MAN1C1: variants seen among roughly 807,000 people sequenced by gnomAD.
MAN1C1 encodes mannosyl-oligosaccharide 1,2-alpha-mannosidase IC.
MAN1C1 carries 49 observed loss-of-function variants against 71.5 expected under a neutral mutation model. The ratio of observed to expected loss-of-function variants is 0.69; its 90% CI spans 0.54 to 0.87. The LOEUF (loss-of-function observed/expected upper bound fraction) is 0.87. Ranked by LOEUF, MAN1C1 falls within the 40% of genes least tolerant of loss-of-function variation. The pLI is 0.00. For synonymous variants in MAN1C1, 352 were observed against 343.7 expected, an observed-to-expected ratio of 1.02 and a Z score of -0.27; for missense variants, 743 against 835.0, an observed-to-expected ratio of 0.89 and a Z score of 1.36.
chr1:25,681,943 C>G (rs1269929818), intron 1 of MAN1C1, among the ~76,000 whole-genome samples: 1 of 148,040 alleles, frequency 6.8e-6, no homozygotes, highest in African/African-American at 2.6e-5. Context: ...AGTCTAACCC[C>G]CTATTTGCCT....
chr1:25,696,308 T>C (rs1393959156), intron 2 of MAN1C1, among the ~76,000 whole-genome samples: 1 of 152,160 alleles, frequency 6.6e-6, no homozygotes, highest in African/African-American at 2.4e-5. Flanking sequence ...TTGTAGCCTG[T>C]GGTCCAGTGT....
chr1:25,704,975 GTT>G (rs2046499523), intron 2 of MAN1C1, among the ~76,000 whole-genome samples: 1 of 152,208 alleles, frequency 6.6e-6, no homozygotes, highest in Non-Finnish European at 1.5e-5. Context: ...TTTCCCTCTT[GTT>G]AAGGCTGCAG....
At chr1:25,643,978 A>C (rs2045574827) in intron 1 of MAN1C1, among the ~76,000 whole-genome samples, 1 of 152,194 alleles carries the variant, frequency 6.6e-6, no homozygotes, top group South Asian at 2.1e-4. Context: ...AGTGAGAGGA[A>C]TATTAAGTGC....
In MAN1C1 at chr1:25,617,641, T is replaced by G; in HGVS notation, c.-157T>G. On this transcript the variant is annotated 5_prime_UTR_variant, in exon 1 of 12. Coordinates refer to ENST00000374332, the MANE Select transcript of MAN1C1 (RefSeq NM_020379.4). This position sits in a 1 kb window ranked among gnomAD's most constrained non-coding sequence, Gnocchi z 5.1. ...GGACTCGCTCCAAACTCCCTGAACT[T>G]CGGGGACAGTCCCCCGAAGCGGCGA... 1.7e-6 allele frequency: 1 copy of G among 593,652 alleles called. No homozygotes were observed. Among genetic ancestry groups the G allele is most frequent in the Non-Finnish European group, 2.8e-6 (1 of 357,802 alleles). The allele number at this position is 593,652 out of a possible 1,614,324, so 36.8% of individuals were successfully genotyped here.
At chr1:25,667,027 A>G (rs1032461821) in intron 1 of MAN1C1, among the ~76,000 whole-genome samples, 1 of 152,212 alleles carries the variant, frequency 6.6e-6, no homozygotes, top group Non-Finnish European at 1.5e-5. Flanking sequence ...CAGCATAGGA[A>G]AGAGAAAATC....
At chr1:25,742,014 A>T (rs186373313) in intron 2 of MAN1C1, among the ~76,000 whole-genome samples, 1 of 152,124 alleles carries the variant, frequency 6.6e-6, no homozygotes, top group Non-Finnish European at 1.5e-5. Flanking sequence ...AGGGAGGCAA[A>T]GCCCCACAGT....
chr1:25,767,245 C>CATA (rs2047442156), intron 7 of MAN1C1, among the ~76,000 whole-genome samples: 1 of 141,492 alleles, frequency 7.1e-6, no homozygotes. Context: ...ACTCCCCTCA[C>CATA]ATCCACACTC....
intron 9 of MAN1C1, among the ~76,000 whole-genome samples, chr1:25,780,328 A>T (rs955197624): frequency 6.6e-6 from 1 of 152,188 alleles, no homozygotes; most frequent in Admixed American, 6.5e-5. Context: ...AGGCTCCCTC[A>T]GGCCCTCCTT....
intron 2 of MAN1C1, among the ~76,000 whole-genome samples, chr1:25,737,264 A>T (rs544411036): frequency 3.9e-5 from 6 of 152,258 alleles, no homozygotes; most frequent in African/African-American, 1.4e-4. Flanking sequence ...CACTTGTCAC[A>T]GGGAACCTTC....
chr1:25,632,026 C>T (rs1176417135), intron 1 of MAN1C1, among the ~76,000 whole-genome samples: 1 of 152,226 alleles, frequency 6.6e-6, no homozygotes, highest in Non-Finnish European at 1.5e-5. Context: ...GATCCGCCCA[C>T]TTTGGCCTCC....
chr1:25,679,977 A>C (rs1258682909), intron 1 of MAN1C1, among the ~76,000 whole-genome samples: 1 of 138,444 alleles, frequency 7.2e-6, no homozygotes. Flanking sequence ...ATATATATAT[A>C]TACACACACA....
chr1:25,657,478 A>G (rs1486510569), intron 1 of MAN1C1, among the ~76,000 whole-genome samples: 2 of 152,200 alleles, frequency 1.3e-5, no homozygotes, highest in Non-Finnish European at 2.9e-5. Flanking sequence ...CCTACCTTCT[A>G]GTGAATCATC....
In MAN1C1 at chr1:25,651,679, A is replaced by G. The variant is rs375832941; in HGVS notation, c.540+33342A>G. ...CTCAGAATTAACATGCTTATTCTGT[A>G]ACCACACGCGGGTCTTTCTGGCCTG... On this transcript the variant is annotated intron_variant, in intron 1 of 11. Transcript: ENST00000374332. Among the ~76,000 whole-genome samples, 5 of 152,324 alleles carry G rather than the reference A, an allele frequency of 3.3e-5. No individual in the cohort carries two copies. In the East Asian group the frequency reaches 9.6e-4, roughly 29 times the overall value.
intron 2 of MAN1C1, among the ~76,000 whole-genome samples, chr1:25,736,292 C>T (rs1360109499): frequency 6.6e-6 from 1 of 152,130 alleles, no homozygotes; most frequent in Non-Finnish European, 1.5e-5. Flanking sequence ...CTGGGCCAAT[C>T]ATCTGCCAGG....
At chr1:25,700,275 G>A (rs1157849706) in intron 2 of MAN1C1, among the ~76,000 whole-genome samples, 2 of 152,180 alleles carry the variant, frequency 1.3e-5, no homozygotes, top group African/African-American at 4.8e-5. Context: ...AGGACCCGGA[G>A]GAGAGGAGTC....
rs142322952 is a variant in MAN1C1, at chr1:25,630,451, T to C, written c.540+12114T>C. Among the ~76,000 whole-genome samples the C allele has an allele frequency of 5.1e-4, 78 of 152,320 alleles. 1 individual carries two copies. The highest frequency in any genetic ancestry group is 1.5e-3 in the African/African-American group (64 of 41,574). The stretch of plus-strand genomic sequence containing the variant: ...AATTCTGTGAACAATGATGTTGTTA[T>C]TTTGTTTGGGATTGCATTGAATCTG... On this transcript the variant is annotated intron_variant, in intron 1 of 11. Transcript: ENST00000374332.
intron 1 of MAN1C1, among the ~76,000 whole-genome samples, chr1:25,671,500 G>C (rs181682235): frequency 5.9e-5 from 9 of 152,202 alleles, no homozygotes; most frequent in Non-Finnish European, 1.0e-4. Flanking sequence ...TGATTATCCC[G>C]TAGAGGTGTT....
chr1:25,650,050 G>A (rs2045669975), intron 1 of MAN1C1, among the ~76,000 whole-genome samples: 1 of 152,080 alleles, frequency 6.6e-6, no homozygotes. Context: ...CCAAAGTTGG[G>A]GGAGGGGGCA....
chr1:25,695,766 CA>C (rs1458992111), intron 2 of MAN1C1, among the ~76,000 whole-genome samples: 1 of 152,150 alleles, frequency 6.6e-6, no homozygotes, highest in African/African-American at 2.4e-5. Flanking sequence ...AAGTTGTTGT[CA>C]AAAGAAAATT....
Sources: allele counts gnomAD v4.1 joint callset (sites outside exome capture counted in the v4.1 genomes callset), GRCh38; gene constraint gnomAD v4.1.1; non-coding constraint Gnocchi (gnomAD v3.1); transcripts MANE v1.5; gene names NCBI Gene and HGNC (gene_info 2026-07-23, HGNC 2026-07-21).